The following SDK1 variants were observed in gnomAD, a reference collection of about 807,000 sequenced individuals.
SDK1 encodes sidekick cell adhesion molecule 1.
Under a neutral mutation model 245.5 loss-of-function variants are expected in SDK1, and 157 were observed. The observed-to-expected ratio is 0.64, with a 90% CI of 0.56 to 0.73. The LOEUF is 0.73. SDK1 is among the 30% of genes least tolerant of loss of function. The probability of loss-of-function intolerance (pLI) is 0.00; values close to 1 mark genes in which losing one functional copy is unlikely to be tolerated. For missense variants in SDK1, 3,583 were observed against 3,002.3 expected (o/e 1.19, Z -4.52); for synonymous variants, 1,647 against 1,278.5 (o/e 1.29, Z -6.15).
At position 4,006,004 on chromosome 7, in the gene SDK1, T is replaced by A. The variant is rs777852974; in HGVS notation, c.2132-4962T>A. 1.8e-3 allele frequency among the ~76,000 whole-genome samples: 274 copies of A among 152,108 alleles called. 2 individuals are homozygous for A. Among genetic ancestry groups the A allele is most frequent in the Non-Finnish European group, 2.5e-3 (173 of 67,996 alleles). On this transcript the variant is annotated intron_variant, in intron 14 of 44. Transcript: ENST00000404826. Reference sequence around the variant, plus strand: ...GATCGCTTGAACCCAGGAGCGGAGGTTGCAGTGAGCCGAGATTGCGCCACT... The same window carrying A: ...GATCGCTTGAACCCAGGAGCGGAGGATGCAGTGAGCCGAGATTGCGCCACT...
At chr7:3,544,304 G>T (rs555474369) in intron 1 of SDK1, among the ~76,000 whole-genome samples, 5 of 152,302 alleles carry the variant, frequency 3.3e-5, no homozygotes, top group Admixed American at 2.6e-4. Context: ...AGTTAATTTA[G>T]AATAGAACAT....
intron 22 of SDK1, among the ~76,000 whole-genome samples, chr7:4,083,847 G>C (rs1006851957): frequency 2.5e-5 from 3 of 119,870 alleles, no homozygotes; most frequent in South Asian, 2.9e-4. Flanking sequence ...CTCTCTGTCT[G>C]TCTCCCTCCC....
At chr7:3,865,809 C>T (rs1389291028) in intron 5 of SDK1, among the ~76,000 whole-genome samples, 1 of 152,056 alleles carries the variant, frequency 6.6e-6, no homozygotes, top group Non-Finnish European at 1.5e-5. Flanking sequence ...CACCTCCATT[C>T]TTAACCCATC....
chr7:4,257,818 CT>C (rs1787723484), intron 44 of SDK1, among the ~76,000 whole-genome samples: 2 of 152,240 alleles, frequency 1.3e-5, no homozygotes. Flanking sequence ...ACAAAGCACT[CT>C]TCCCTTCCAG....
intron 28 of SDK1, among the ~76,000 whole-genome samples, chr7:4,142,166 G>A (rs1010248234): frequency 1.3e-5 from 2 of 152,156 alleles, no homozygotes; most frequent in Admixed American, 6.5e-5. Flanking sequence ...TGAACCCTAC[G>A]CATACATACA....
intron 1 of SDK1, among the ~76,000 whole-genome samples, chr7:3,616,652 TTG>T (rs920569194): frequency 1.3e-5 from 2 of 152,206 alleles, no homozygotes; most frequent in Non-Finnish European, 2.9e-5. Context: ...GAATAAATAC[TTG>T]TGAGAGGTTG....
intron 28 of SDK1, among the ~76,000 whole-genome samples, chr7:4,139,667 G>T (rs776211679): frequency 9.4e-5 from 10 of 106,674 alleles, no homozygotes; most frequent in African/African-American, 1.1e-4. Flanking sequence ...GTGTATATGT[G>T]TGTGTGTATA....
chr7:3,843,953 A>G (rs1780217709), intron 5 of SDK1, among the ~76,000 whole-genome samples: 1 of 152,210 alleles, frequency 6.6e-6, no homozygotes, highest in Admixed American at 6.5e-5. Context: ...TTAATATCCT[A>G]CTACAACTTT....
At chr7:3,604,863 A>G (rs1469808107) in intron 1 of SDK1, among the ~76,000 whole-genome samples, 1 of 151,854 alleles carries the variant, frequency 6.6e-6, no homozygotes, top group South Asian at 2.1e-4. Flanking sequence ...CGGCCTCCCA[A>G]AGTGCTAGGA....
chr7:3,948,256 T>G (rs2128124151), intron 5 of SDK1, among the ~76,000 whole-genome samples: 1 of 137,816 alleles, frequency 7.3e-6, no homozygotes, highest in South Asian at 2.6e-4. Flanking sequence ...CATTGCTTTT[T>G]TTTTTTTTTT....
chr7:3,360,571 G>T (rs1025731379), intron 1 of SDK1, among the ~76,000 whole-genome samples: 2 of 152,150 alleles, frequency 1.3e-5, no homozygotes, highest in African/African-American at 4.8e-5. Flanking sequence ...GAAAATTGCT[G>T]ATGAAAGATA....
chr7:3,780,885 G>A (rs1024250971), intron 4 of SDK1, among the ~76,000 whole-genome samples: 2 of 152,126 alleles, frequency 1.3e-5, no homozygotes, highest in Non-Finnish European at 2.9e-5. Flanking sequence ...ACAGATTTCA[G>A]AGAAATGAAG....
intron 22 of SDK1, among the ~76,000 whole-genome samples, chr7:4,090,650 T>G (rs1192371502): frequency 6.6e-6 from 1 of 152,202 alleles, no homozygotes; most frequent in Non-Finnish European, 1.5e-5. Context: ...CATCTTGTTC[T>G]TTCTCTCTTC....
chr7:3,583,611 A>G (rs1434905711), intron 1 of SDK1, among the ~76,000 whole-genome samples: 2 of 152,206 alleles, frequency 1.3e-5, no homozygotes, highest in East Asian at 3.9e-4. Context: ...CTTGAGATAC[A>G]GAAATGAATA....
intron 4 of SDK1, among the ~76,000 whole-genome samples, chr7:3,757,255 A>G (rs28887604): frequency 3.9e-5 from 6 of 152,162 alleles, no homozygotes; most frequent in East Asian, 3.9e-4. Context: ...AACAGCTCAC[A>G]GAACTACTCA....
chr7:4,019,995 T>C (rs564608383), intron 17 of SDK1, among the ~76,000 whole-genome samples: 1 of 152,124 alleles, frequency 6.6e-6, no homozygotes, highest in Non-Finnish European at 1.5e-5. Flanking sequence ...CTCTGGGGAA[T>C]CTCCCTGGAG....
At chr7:3,835,222 T>C (rs549348988) in intron 5 of SDK1, among the ~76,000 whole-genome samples, 4 of 152,326 alleles carry the variant, frequency 2.6e-5, no homozygotes, top group African/African-American at 9.6e-5. Flanking sequence ...TTTGAGCTTC[T>C]TTGTCTGACT....
intron 5 of SDK1, among the ~76,000 whole-genome samples, chr7:3,937,999 G>A (rs1160150898): frequency 6.6e-6 from 1 of 152,048 alleles, no homozygotes; most frequent in Non-Finnish European, 1.5e-5. Flanking sequence ...CACCACGCCC[G>A]GCTAATTTTG....
At chr7:3,306,385 T>G (rs984446756) in intron 1 of SDK1, among the ~76,000 whole-genome samples, 3 of 152,150 alleles carry the variant, frequency 2.0e-5, no homozygotes, top group African/African-American at 7.2e-5. Context: ...TGGCAGAGAT[T>G]AGACCACCCC....
Sources: allele counts gnomAD v4.1 joint callset (sites outside exome capture counted in the v4.1 genomes callset), GRCh38; gene constraint gnomAD v4.1.1; transcripts MANE v1.5; gene names NCBI Gene and HGNC (gene_info 2026-07-23, HGNC 2026-07-21).